MARCHF4: variants seen among roughly 807,000 people sequenced by gnomAD.
MARCHF4 encodes the protein E3 ubiquitin-protein ligase MARCHF4.
Under a neutral mutation model 43.9 loss-of-function variants are expected in MARCHF4, and 14 were observed. The ratio of observed to expected loss-of-function variants is 0.32; its 90% CI spans 0.21 to 0.50. MARCHF4 has a LOEUF of 0.50. Among genes scored for constraint, MARCHF4 ranks in the 20% least tolerant of loss-of-function variants. MARCHF4 has a pLI of 0.98. For synonymous variants in MARCHF4, 226 were observed against 213.3 expected (o/e 1.06, Z -0.52); for missense variants, 468 against 536.7 (o/e 0.87, Z 1.27).
At chr2:216,361,429 T>C (rs1462116122) in intron 1 of MARCHF4, among the ~76,000 whole-genome samples, 2 of 152,188 alleles carry the variant, frequency 1.3e-5, no homozygotes, top group African/African-American at 4.8e-5. Context: ...CTGTTACATA[T>C]TGGGCAACTG....
rs2105968823 is a variant in MARCHF4, at chr2:216,329,499, T to C, written c.516+40246A>G. 2.0e-5 allele frequency among the ~76,000 whole-genome samples: 3 copies of C among 151,830 alleles called. No homozygotes were observed. In the East Asian group the frequency reaches 5.8e-4, roughly 29 times the overall value. ...AATATCAACTTATATTGGACCATAG[T>C]AAGAAAGAGTGGCCACTATAAGAAG... On this transcript the variant is annotated intron_variant, in intron 1 of 3. Coordinates refer to ENST00000273067, the MANE Select transcript of MARCHF4 (RefSeq NM_020814.3).
At chr2:216,311,039 C>T (rs528786206) in intron 1 of MARCHF4, among the ~76,000 whole-genome samples, 1 of 152,150 alleles carries the variant, frequency 6.6e-6, no homozygotes, top group African/African-American at 2.4e-5. Flanking sequence ...ACAATCCTAC[C>T]ATCTAGAGAT....
At chr2:216,282,539 C>G (rs181526462) in intron 2 of MARCHF4, among the ~76,000 whole-genome samples, 11 of 152,134 alleles carry the variant, frequency 7.2e-5, no homozygotes, top group Admixed American at 7.2e-4. Context: ...TCCTCACTCT[C>G]GTGCTCACTA....
At chr2:216,337,674 T>A (rs1373213080) in intron 1 of MARCHF4, among the ~76,000 whole-genome samples, 1 of 152,214 alleles carries the variant, frequency 6.6e-6, no homozygotes, top group Admixed American at 6.5e-5. Flanking sequence ...CTCCAAGTCT[T>A]CGTGTTTCTC....
rs947467839 is a variant in MARCHF4 at position 216,372,208 on chromosome 2, T to C, written c.-1948A>G. On this transcript the variant is annotated 5_prime_UTR_variant, in exon 1 of 4. Transcript: ENST00000273067. ...CCCACTGGCTCGATTCCCAAAGGGGTGGTGCTGGAAGGGAGGTGGCGGGGC... is the reference window on the plus strand; with the variant it reads ...CCCACTGGCTCGATTCCCAAAGGGGCGGTGCTGGAAGGGAGGTGGCGGGGC... Among the ~76,000 whole-genome samples, 23 of 151,154 alleles carry C rather than the reference T, an allele frequency of 1.5e-4. No individual in the cohort carries two copies. Among genetic ancestry groups the C allele is most frequent in the Admixed American group, 6.6e-4 (10 of 15,204 alleles).
intron 1 of MARCHF4, among the ~76,000 whole-genome samples, chr2:216,298,955 C>A (rs1474022165): frequency 7.2e-5 from 11 of 152,182 alleles, no homozygotes; most frequent in Non-Finnish European, 1.5e-4. Flanking sequence ...GAGGATGACA[C>A]AAATTTCCAC....
intron 1 of MARCHF4, among the ~76,000 whole-genome samples, chr2:216,346,546 G>C (rs1692323655): frequency 6.6e-6 from 1 of 152,194 alleles, no homozygotes; most frequent in Non-Finnish European, 1.5e-5. Context: ...ATCACTGTCT[G>C]AGTGTAGGGA....
chr2:216,344,121 A>G (rs1274262755), intron 1 of MARCHF4, among the ~76,000 whole-genome samples: 1 of 152,148 alleles, frequency 6.6e-6, no homozygotes, highest in Admixed American at 6.5e-5. Flanking sequence ...GATTTTGGAA[A>G]TGTTGTGTTA....
Position 216,283,428 on chromosome 2 carries a change from C to A in MARCHF4, c.672+146G>T, listed in dbSNP as rs924620229. ...TGTCCTTTCATCCCCTCCTGCCCCA[C>A]GCCGCCCACCGTGCTTGCCCACCCA... On this transcript the variant is annotated intron_variant, in intron 2 of 3. Transcript: ENST00000273067. 4.6e-6 allele frequency: 4 copies of A among 862,598 alleles called. No individual in the cohort carries two copies. In the East Asian group the frequency reaches 7.7e-5, roughly 17 times the overall value. 53.4% of individuals were successfully genotyped at this position (862,598 alleles called of 1,614,324 possible).
At chr2:216,322,759 T>G (rs1459707141) in intron 1 of MARCHF4, among the ~76,000 whole-genome samples, 9 of 151,992 alleles carry the variant, frequency 5.9e-5, no homozygotes, top group Non-Finnish European at 1.3e-4. Context: ...AAGGTGGAGG[T>G]TGCAGTGAGC....
At position 216,259,054 on chromosome 2, in the gene MARCHF4, G is replaced by A; in HGVS notation, c.*258C>T. 1 of 336,878 alleles carries A rather than the reference G, an allele frequency of 3.0e-6. No individual in the cohort carries two copies. The highest frequency in any genetic ancestry group is 5.4e-6 in the Non-Finnish European group (1 of 186,846). 20.9% of individuals were successfully genotyped at this position (336,878 alleles called of 1,614,324 possible). The stretch of plus-strand genomic sequence containing the variant: ...GGGGCAGGGTTTTTCTGTTGGGCCA[G>A]GTTCAGCCTGTATTGCACTTTGTTG... On this transcript the variant is annotated 3_prime_UTR_variant, in exon 4 of 4. Transcript: ENST00000273067.
At chr2:216,328,009 T>C (rs1000999881) in intron 1 of MARCHF4, among the ~76,000 whole-genome samples, 14 of 151,918 alleles carry the variant, frequency 9.2e-5, no homozygotes, top group African/African-American at 3.1e-4. Flanking sequence ...AAGCTCTCTG[T>C]AGGTCAAGAA....
intron 1 of MARCHF4, among the ~76,000 whole-genome samples, chr2:216,289,840 C>G (rs1175603537): frequency 4.6e-5 from 7 of 152,162 alleles, no homozygotes; most frequent in Non-Finnish European, 1.0e-4. Context: ...CCTTGGGGTG[C>G]AGTTTAGGGG....
chr2:216,351,812 A>C (rs1018411396), intron 1 of MARCHF4, among the ~76,000 whole-genome samples: 3 of 152,254 alleles, frequency 2.0e-5, no homozygotes, highest in African/African-American at 7.2e-5. Context: ...TTATTCTATA[A>C]ATAACAGAAC....
At chr2:216,321,705 G>T (rs532779302) in intron 1 of MARCHF4, 1 of 152,306 alleles carries the variant, frequency 6.6e-6, no homozygotes, top group East Asian at 1.9e-4. Flanking sequence ...CAAAGTGACT[G>T]GTGACTGGTG....
intron 1 of MARCHF4, among the ~76,000 whole-genome samples, chr2:216,328,813 G>A (rs1246477030): frequency 2.0e-5 from 3 of 152,130 alleles, no homozygotes; most frequent in Admixed American, 2.0e-4. Flanking sequence ...TGAGGCAGTT[G>A]TATCACCTGA....
intron 1 of MARCHF4, among the ~76,000 whole-genome samples, chr2:216,335,168 G>A (rs1692138778): frequency 6.6e-6 from 1 of 152,156 alleles, no homozygotes; most frequent in Non-Finnish European, 1.5e-5. Flanking sequence ...ATACAGATTC[G>A]CTATAAATAT....
chr2:216,328,714 C>T (rs936835950), intron 1 of MARCHF4, among the ~76,000 whole-genome samples: 4 of 152,176 alleles, frequency 2.6e-5, no homozygotes, highest in African/African-American at 7.2e-5. Flanking sequence ...ACAATGACAT[C>T]TTATGGGGGA....
chr2:216,348,497 C>A (rs552477913), intron 1 of MARCHF4, among the ~76,000 whole-genome samples: 2 of 152,248 alleles, frequency 1.3e-5, no homozygotes, highest in South Asian at 4.2e-4. Context: ...CTCACTGCTA[C>A]CCTCCTACCA....
Sources: gnomAD v4.1 joint callset for allele counts (sites outside exome capture counted in the v4.1 genomes callset) on GRCh38, gnomAD v4.1.1 for gene constraint, MANE v1.5 for transcripts, NCBI Gene and HGNC (gene_info 2026-07-23, HGNC 2026-07-21) for gene names.